Variants in PCDHA4 observed in about 807,000 individuals in gnomAD.
PCDHA4 encodes protocadherin alpha 4.
PCDHA4 carries 49 observed loss-of-function variants against 61.4 expected under a neutral mutation model. The ratio of observed to expected loss-of-function variants is 0.80; its 90% CI spans 0.63 to 1.01. The LOEUF is 1.01. PCDHA4 is among the 50% of genes least tolerant of loss of function. PCDHA4 has a pLI of 0.00. For synonymous variants in PCDHA4, 590 were observed against 550.3 expected, an observed-to-expected ratio of 1.07 and a Z score of -1.01; for missense variants, 1,254 against 1,235.8, an observed-to-expected ratio of 1.01 and a Z score of -0.22.
intron 1 of PCDHA4, among the ~76,000 whole-genome samples, chr5:140,911,205 A>G (rs1554194650): frequency 6.6e-6 from 1 of 152,162 alleles, no homozygotes; most frequent in African/African-American, 2.4e-5. Flanking sequence ...TGTTGCCACT[A>G]CTGGGGATGA....
intron 1 of PCDHA4, chr5:140,843,573 C>T (rs1380003956): frequency 6.3e-7 from 1 of 1,595,868 alleles, no homozygotes; most frequent in Admixed American, 1.7e-5. Flanking sequence ...TGGTCATACT[C>T]GCAACAACAG....
intron 1 of PCDHA4, among the ~76,000 whole-genome samples, chr5:140,892,032 T>C (rs1329804086): frequency 6.6e-6 from 1 of 152,222 alleles, no homozygotes; most frequent in African/African-American, 2.4e-5. Context: ...TCTAAGATAC[T>C]TTTATTTATT....
chr5:140,881,362 G>C, intron 1 of PCDHA4: 6 of 985,132 alleles, frequency 6.1e-6, no homozygotes, highest in Non-Finnish European at 7.2e-6. Context: ...CGTGGCTTTC[G>C]TATGAATTGC....
In PCDHA4 at chr5:140,857,202, C is replaced by A. The variant is rs560343247; in HGVS notation, c.2385+47630C>A. 14 of 1,598,626 alleles carry A rather than the reference C, an allele frequency of 8.8e-6. No individual in the cohort carries two copies. In the African/African-American group the frequency reaches 1.1e-4, roughly 12 times the overall value. On this transcript the variant is annotated intron_variant, in intron 1 of 3. Coordinates refer to ENST00000530339, the MANE Select transcript of PCDHA4 (RefSeq NM_018907.4). The stretch of plus-strand genomic sequence containing the variant: ...GATTCAGGAGCCAACGGACAGGTCA[C>A]CTGCTCTCTGACGCCTCACGTTCCG...
At chr5:140,839,582 G>T (rs965029185) in intron 1 of PCDHA4, among the ~76,000 whole-genome samples, 1 of 151,908 alleles carries the variant, frequency 6.6e-6, no homozygotes, top group Non-Finnish European at 1.5e-5. Context: ...TAGAGATGGG[G>T]TCTTACCATG....
At chr5:140,900,807 A>T (rs868976984) in intron 1 of PCDHA4, among the ~76,000 whole-genome samples, 1 of 152,176 alleles carries the variant, frequency 6.6e-6, no homozygotes, top group African/African-American at 2.4e-5. Context: ...TAGTGCTTGT[A>T]CTAATTTACA....
chr5:140,934,001 T>A (rs2089559391), intron 1 of PCDHA4, among the ~76,000 whole-genome samples: 1 of 152,066 alleles, frequency 6.6e-6, no homozygotes, highest in Admixed American at 6.6e-5. Context: ...TCACCTCTCA[T>A]TTTTCTTGAC....
At chr5:140,982,253 A>T (rs1209317234) in intron 2 of PCDHA4, 1 of 777,640 alleles carries the variant, frequency 1.3e-6, no homozygotes, top group African/African-American at 1.8e-5. Flanking sequence ...AAGATAGAAC[A>T]TGTGTGTTCC....
intron 1 of PCDHA4, chr5:140,815,408 A>G (rs1320427077): frequency 6.6e-6 from 1 of 152,112 alleles, no homozygotes; most frequent in Non-Finnish European, 1.5e-5. Context: ...AAACTCTTAT[A>G]AAAATGTATT....
At chr5:140,823,082 C>A (rs1171267979) in intron 1 of PCDHA4, 1 of 1,613,782 alleles carries the variant, frequency 6.2e-7, no homozygotes, top group Non-Finnish European at 8.5e-7. Flanking sequence ...TCGCTGTGGG[C>A]CACCGCCAGC....
chr5:140,883,551 G>T, intron 1 of PCDHA4: 4 of 1,614,234 alleles, frequency 2.5e-6, no homozygotes, highest in Non-Finnish European at 3.4e-6. Flanking sequence ...GTGACCGCGC[G>T]GGACGGGGGC....
intron 1 of PCDHA4, among the ~76,000 whole-genome samples, chr5:140,820,471 G>T (rs1189963482): frequency 6.6e-6 from 1 of 151,866 alleles, no homozygotes; most frequent in Non-Finnish European, 1.5e-5. Flanking sequence ...ACAGGTAAGG[G>T]ATATTTTGTA....
intron 1 of PCDHA4, chr5:140,882,983 GC>G: frequency 1.2e-6 from 2 of 1,614,130 alleles, no homozygotes; most frequent in Non-Finnish European, 1.7e-6. Context: ...GAATGACAAC[GC>G]CCCGGAATTT....
rs151299460 is a variant in PCDHA4, at chr5:140,849,914, C to T, written c.2385+40342C>T. On this transcript the variant is annotated intron_variant, in intron 1 of 3. Coordinates refer to ENST00000530339, the MANE Select transcript of PCDHA4 (RefSeq NM_018907.4). ...AGGAGAACAACCCGCCGGGCTGCCA[C>T]ATCTTCACGGTGTCTGCGCGGGACG... is the stretch of plus-strand genomic sequence containing the variant. 4.8e-4 allele frequency: 771 copies of T among 1,598,354 alleles called. 44 individuals are homozygous for T. The African/African-American group carries it at 9.1e-3, about 19-fold the overall frequency.
intron 1 of PCDHA4, among the ~76,000 whole-genome samples, chr5:140,974,079 G>A (rs1554235799): frequency 6.6e-6 from 1 of 152,180 alleles, no homozygotes. Flanking sequence ...CTATAACCAT[G>A]ACTTCAAAAA....
Position 140,857,393 on chromosome 5 carries a change from G to C in PCDHA4, c.2385+47821G>C, listed in dbSNP as rs146099067. On this transcript the variant is annotated intron_variant, in intron 1 of 3. Coordinates refer to ENST00000530339, the MANE Select transcript of PCDHA4 (RefSeq NM_018907.4). The stretch of plus-strand genomic sequence containing the variant: ...GTCTGTGGAGGTGGCCGACGTGAAC[G>C]ACAACGCGCCTGCGTTCGCGCAGTC... The C allele has an allele frequency of 3.2e-4, 519 of 1,598,492 alleles. 32 individuals carry two copies. In the African/African-American group the frequency reaches 5.9e-3, roughly 18 times the overall value.
At chr5:140,898,906 G>A (rs199581699) in intron 1 of PCDHA4, among the ~76,000 whole-genome samples, 45,464 of 151,416 alleles carry the variant, frequency 0.3, 7,269 homozygotes, top group East Asian at 0.52. Context: ...GGTCCTTCAC[G>A]TCCCTTGTAA....
chr5:140,942,679 G>C (rs549826522), intron 1 of PCDHA4, among the ~76,000 whole-genome samples: 1 of 152,020 alleles, frequency 6.6e-6, no homozygotes, highest in African/African-American at 2.4e-5. Context: ...AAAGTTTTAG[G>C]AATAACTTTA....
chr5:140,846,981 G>T (rs1054383411), intron 1 of PCDHA4, among the ~76,000 whole-genome samples: 3 of 149,582 alleles, frequency 2.0e-5, no homozygotes, highest in Admixed American at 1.3e-4. Flanking sequence ...AAATAAGTAA[G>T]TTCCCCCCGG....
Sources: allele counts gnomAD v4.1 joint callset (sites outside exome capture counted in the v4.1 genomes callset), GRCh38; gene constraint gnomAD v4.1.1; transcripts MANE v1.5; gene names NCBI Gene and HGNC (gene_info 2026-07-23, HGNC 2026-07-21).